Variants in NUAK1 observed in about 807,000 individuals in gnomAD.
NUAK1 encodes the protein NUAK family kinase 1.
NUAK1 carries 26 observed loss-of-function variants against 56.9 expected under a neutral mutation model. The observed-to-expected ratio is 0.46, with a 90% CI of 0.33 to 0.63. NUAK1 has a LOEUF of 0.63. NUAK1 is among the 30% of genes least tolerant of loss of function. NUAK1 has a pLI of 0.02. For synonymous variants in NUAK1, 337 were observed against 336.0 expected, an observed-to-expected ratio of 1.00 and a Z score of -0.03; for missense variants, 727 against 876.1, an observed-to-expected ratio of 0.83 and a Z score of 2.15.
intron 1 of NUAK1, among the ~76,000 whole-genome samples, chr12:106,110,481 C>A (rs1203626509): frequency 6.6e-6 from 1 of 152,116 alleles, no homozygotes; most frequent in African/African-American, 2.4e-5. Context: ...ACATGCCCGG[C>A]ATTGCGGAGG....
intron 2 of NUAK1, among the ~76,000 whole-genome samples, chr12:106,093,260 G>A (rs75000053): frequency 0.014 from 2,063 of 152,268 alleles, 45 homozygotes; most frequent in African/African-American, 0.047. Flanking sequence ...TAAAATACCC[G>A]AACTCTCCTT....
intron 2 of NUAK1, among the ~76,000 whole-genome samples, chr12:106,088,279 AG>A (rs2032596480): frequency 6.6e-6 from 1 of 152,200 alleles, no homozygotes; most frequent in African/African-American, 2.4e-5. Flanking sequence ...AAACCTTTGT[AG>A]GCTACCCAAG....
At chr12:106,090,294 C>A (rs866901735) in intron 2 of NUAK1, among the ~76,000 whole-genome samples, 7 of 152,158 alleles carry the variant, frequency 4.6e-5, no homozygotes, top group Admixed American at 1.3e-4. Flanking sequence ...ACGGTCAAGG[C>A]CCTGTCACCT....
At chr12:106,087,031 T>C in intron 2 of NUAK1, 146 bp from the exon 3 acceptor site, 3 of 988,110 alleles carry the variant, frequency 3.0e-6, no homozygotes, top group Non-Finnish European at 4.5e-6. Context: ...CAATTCAGCA[T>C]CACGAGGCGT....
rs528091507 is a variant in NUAK1 at position 106,113,436 on chromosome 12, G to T, written c.241-6911C>A. Among the ~76,000 whole-genome samples the T allele has an allele frequency of 2.1e-3, 314 of 152,140 alleles. 1 individual carries two copies. Among genetic ancestry groups the T allele is most frequent in the South Asian group, 0.012 (57 of 4,812 alleles). On this transcript the variant is annotated intron_variant, in intron 1 of 6. Coordinates refer to ENST00000261402, the MANE Select transcript of NUAK1 (RefSeq NM_014840.3). ...GCAGATCACCTGCCTCCGATCCCCT[G>T]GTTAGGGGGAAAGGGGAAACTGATT...
chr12:106,134,725 T>A (rs2033112968), intron 1 of NUAK1, among the ~76,000 whole-genome samples: 2 of 152,218 alleles, frequency 1.3e-5, no homozygotes, highest in African/African-American at 4.8e-5. Flanking sequence ...AGAAAATGCA[T>A]GCCGAATTAT....
At chr12:106,071,219 C>T (rs2032403653) in intron 5 of NUAK1, among the ~76,000 whole-genome samples, 1 of 152,184 alleles carries the variant, frequency 6.6e-6, no homozygotes, top group South Asian at 2.1e-4. Context: ...CTATTTTCAG[C>T]CCCATTTAAA....
In NUAK1 at chr12:106,073,688, C is replaced by T. The variant is rs2032430766; in HGVS notation, c.580-845G>A. 2.0e-5 allele frequency among the ~76,000 whole-genome samples: 3 copies of T among 151,992 alleles called. No individual in the cohort carries two copies. The South Asian group carries it at 6.2e-4, about 32-fold the overall frequency. On this transcript the variant is annotated intron_variant, in intron 4 of 6. Transcript: ENST00000261402. Reference sequence around the variant, plus strand: ...CAAAAATTAGCCGGGCGTGGTGGTGCATGCCTGTAATCTCAGCTACTCGGG... The same window carrying T: ...CAAAAATTAGCCGGGCGTGGTGGTGTATGCCTGTAATCTCAGCTACTCGGG...
intron 2 of NUAK1, among the ~76,000 whole-genome samples, chr12:106,100,759 A>G (rs964404418): frequency 6.6e-6 from 1 of 152,078 alleles, no homozygotes; most frequent in African/African-American, 2.4e-5. Flanking sequence ...TAAAACCCAC[A>G]CTTTCTAAAC....
chr12:106,084,331 T>G (rs1002548546), intron 3 of NUAK1, among the ~76,000 whole-genome samples: 3 of 152,182 alleles, frequency 2.0e-5, no homozygotes, highest in African/African-American at 7.2e-5. Context: ...GGACTCAAGA[T>G]TGTGGGGCTC....
Position 106,138,543 on chromosome 12 carries a change from C to T in NUAK1, c.111G>A (p.Arg37=), listed in dbSNP as rs780089577. The T allele has an allele frequency of 5.0e-6, 8 of 1,611,966 alleles. No homozygotes were observed. Among genetic ancestry groups the T allele is most frequent in the Admixed American group, 1.7e-5 (1 of 59,992 alleles). Residue 37 remains arginine, a synonymous_variant, in exon 1 of 7, where the codon AGG becomes AGA. Coordinates refer to ENST00000261402, the MANE Select transcript of NUAK1 (RefSeq NM_014840.3). The surrounding 1 kb of genome is among the most constrained non-coding windows in gnomAD (Gnocchi z 5.0). ...VAGATAALEP[R]KPHGVKRHHH... ...GATGCCGCTTCACCCCGTGCGGCTT[C>T]CTGGGCTCCAGGGCTGCAGTCGCCC...
intron 1 of NUAK1, among the ~76,000 whole-genome samples, chr12:106,134,024 C>G (rs1280692770): frequency 6.6e-6 from 1 of 152,144 alleles, no homozygotes; most frequent in Non-Finnish European, 1.5e-5. Context: ...AAGAGTGAGG[C>G]CCATGTCTTT....
At position 106,097,871 on chromosome 12, in the gene NUAK1, T is replaced by C. The variant is rs188952614; in HGVS notation, c.361+8534A>G. ...CTTTGAGAACTGCTGCTCAAATGCATTATTAAGCAGTTTACCAGGGGCCTG... is the reference window on the plus strand; with the variant it reads ...CTTTGAGAACTGCTGCTCAAATGCACTATTAAGCAGTTTACCAGGGGCCTG... On this transcript the variant is annotated intron_variant, in intron 2 of 6. Coordinates refer to ENST00000261402, the MANE Select transcript of NUAK1 (RefSeq NM_014840.3). Among the ~76,000 whole-genome samples, 151 of 152,244 alleles carry C rather than the reference T, an allele frequency of 9.9e-4. 2 individuals carry two copies. The highest frequency in any genetic ancestry group is 3.5e-3 in the African/African-American group (146 of 41,554).
At chr12:106,098,003 G>A (rs1214711749) in intron 2 of NUAK1, among the ~76,000 whole-genome samples, 1 of 152,198 alleles carries the variant, frequency 6.6e-6, no homozygotes, top group Non-Finnish European at 1.5e-5. Flanking sequence ...AAGCCCCACT[G>A]CCCCTGGCCA....
At chr12:106,110,330 G>A (rs564104956) in intron 1 of NUAK1, among the ~76,000 whole-genome samples, 76 of 152,226 alleles carry the variant, frequency 5.0e-4, no homozygotes, top group Non-Finnish European at 9.4e-4. Flanking sequence ...ACCAAGTACC[G>A]GCTACACAAA....
chr12:106,132,562 G>A (rs1046713994), intron 1 of NUAK1, among the ~76,000 whole-genome samples: 1 of 152,220 alleles, frequency 6.6e-6, no homozygotes, highest in African/African-American at 2.4e-5. Flanking sequence ...AGGCAGGGAA[G>A]TGAACCAGCT....
chr12:106,092,551 T>A (rs191500156), intron 2 of NUAK1, among the ~76,000 whole-genome samples: 49 of 152,266 alleles, frequency 3.2e-4, no homozygotes, highest in Non-Finnish European at 5.6e-4. Context: ...ATTCAACATG[T>A]TTGTGAGAAT....
chr12:106,066,571 G>C lies in NUAK1; in HGVS notation c.*231C>G. 3.5e-6 allele frequency: 2 copies of C among 568,804 alleles called. No individual in the cohort carries two copies. Among genetic ancestry groups the C allele is most frequent in the Non-Finnish European group, 6.3e-6 (2 of 318,358 alleles). 35.2% of individuals were successfully genotyped at this position (568,804 alleles called of 1,614,324 possible). ...CTGGTCCTCTAGGAGGTGCCATAAAGCAAATGCCAAACAGGGCCCAAATTC... is the reference window on the plus strand; with the variant it reads ...CTGGTCCTCTAGGAGGTGCCATAAACCAAATGCCAAACAGGGCCCAAATTC... On this transcript the variant is annotated 3_prime_UTR_variant, in exon 7 of 7. Transcript: ENST00000261402.
In NUAK1 at chr12:106,086,897, A is replaced by C; in HGVS notation, c.362-12T>G. On this transcript the variant is annotated splice_polypyrimidine_tract_variant and intron_variant, in intron 2 of 6. Coordinates refer to ENST00000261402, the MANE Select transcript of NUAK1 (RefSeq NM_014840.3). The stretch of plus-strand genomic sequence containing the variant: ...TTTGTTCTCAAACACTGCAGAGGGA[A>C]AACAGCAATACACAAACACCCCGTT... 6.2e-7 allele frequency: 1 copy of C among 1,609,222 alleles called. No homozygotes were observed. The highest frequency in any genetic ancestry group is 8.5e-7 in the Non-Finnish European group (1 of 1,175,998).
Sources: gnomAD v4.1 joint callset for allele counts (sites outside exome capture counted in the v4.1 genomes callset) on GRCh38, gnomAD v4.1.1 for gene constraint, Gnocchi (gnomAD v3.1) non-coding constraint, MANE v1.5 for transcripts, NCBI Gene and HGNC (gene_info 2026-07-23, HGNC 2026-07-21) for gene names.